The following HCN1 variants were observed in gnomAD, a reference collection of about 807,000 sequenced individuals.
HCN1 encodes the protein hyperpolarization activated cyclic nucleotide gated potassium channel 1.
HCN1 carries 13 observed loss-of-function variants against 78.9 expected under a neutral mutation model. The ratio of observed to expected loss-of-function variants is 0.16; its 90% CI spans 0.11 to 0.26. The LOEUF (loss-of-function observed/expected upper bound fraction) is 0.26. HCN1 is among the 10% of genes least tolerant of loss of function. The pLI, the probability that HCN1 is intolerant of heterozygous loss-of-function variation, is 1.00. For missense variants in HCN1, 810 were observed against 1,154.3 expected, an observed-to-expected ratio of 0.70 and a Z score of 4.32; for synonymous variants, 552 against 455.5, an observed-to-expected ratio of 1.21 and a Z score of -2.70.
In HCN1 at chr5:45,695,949, C is replaced by T. The variant is rs1214766208; in HGVS notation, c.145G>A (p.Gly49Ser). The T allele has an allele frequency of 3.7e-6, 5 of 1,346,584 alleles. No individual in the cohort carries two copies. The highest frequency in any genetic ancestry group is 4.7e-6 in the Non-Finnish European group (5 of 1,057,748). 83.4% of individuals were successfully genotyped at this position (1,346,584 alleles called of 1,614,324 possible). The change falls in exon 1 of 8, where the codon GGC becomes AGC. Residue 49 changes from glycine to serine, a missense_variant. By Grantham distance (56) the Gly-to-Ser change is moderately conservative. Transcript: ENST00000303230. Reference protein sequence around the residue: ...LGTPPGGGGAGAKEHGNSVCF... With the variant: ...LGTPPGGGGASAKEHGNSVCF... The stretch of plus-strand genomic sequence containing the variant: ...ACGGAGTTGCCGTGCTCCTTCGCGC[C>T]GGCCCCGCCGCCCCCCGGCGGGGTG...
chr5:45,430,606 A>G (rs1466265614), intron 3 of HCN1, among the ~76,000 whole-genome samples: 1 of 152,064 alleles, frequency 6.6e-6, no homozygotes, highest in Non-Finnish European at 1.5e-5. Context: ...TGTTGCTGCA[A>G]AGAACATGAT....
intron 1 of HCN1, among the ~76,000 whole-genome samples, chr5:45,653,265 C>G (rs545844615): frequency 6.6e-6 from 1 of 152,166 alleles, no homozygotes; most frequent in Non-Finnish European, 1.5e-5. Context: ...TCACAGAACT[C>G]CCTTTCACCT....
At chr5:45,284,097 C>T (rs1745223298) in intron 6 of HCN1, among the ~76,000 whole-genome samples, 1 of 151,910 alleles carries the variant, frequency 6.6e-6, no homozygotes, top group Non-Finnish European at 1.5e-5. Context: ...ATGATGAGAA[C>T]TCATGAACAC....
intron 3 of HCN1, among the ~76,000 whole-genome samples, chr5:45,421,580 G>A (rs919427728): frequency 2.0e-5 from 3 of 151,714 alleles, no homozygotes; most frequent in African/African-American, 7.3e-5. Context: ...CCAAGAAACA[G>A]AAACCAACAG....
chr5:45,343,862 T>A (rs982373392), intron 5 of HCN1, among the ~76,000 whole-genome samples: 7 of 151,236 alleles, frequency 4.6e-5, no homozygotes, highest in Admixed American at 2.0e-4. Context: ...AAATTAAAAA[T>A]AAAAAAAATA....
chr5:45,372,136 TA>T (rs1474137591), intron 4 of HCN1, among the ~76,000 whole-genome samples: 3 of 55,760 alleles, frequency 5.4e-5, no homozygotes, highest in African/African-American at 2.2e-4. Flanking sequence ...ATATATAATA[TA>T]ATAATATATT....
chr5:45,616,778 GA>G (rs1411558753), intron 2 of HCN1, among the ~76,000 whole-genome samples: 3 of 151,876 alleles, frequency 2.0e-5, no homozygotes, highest in African/African-American at 7.2e-5. Flanking sequence ...AATAGGAAAA[GA>G]AAATAGGAAA....
At chr5:45,549,822 C>T (rs1244292578) in intron 2 of HCN1, among the ~76,000 whole-genome samples, 1 of 152,130 alleles carries the variant, frequency 6.6e-6, no homozygotes, top group Non-Finnish European at 1.5e-5. Context: ...ACAACCCCAT[C>T]AAAAAGTGGG....
chr5:45,376,881 G>C (rs935545841), intron 4 of HCN1, among the ~76,000 whole-genome samples: 2 of 151,938 alleles, frequency 1.3e-5, no homozygotes, highest in Non-Finnish European at 2.9e-5. Flanking sequence ...TGATTTCTTA[G>C]AAGATTTCAG....
At chr5:45,473,248 C>A (rs1048342896) in intron 2 of HCN1, among the ~76,000 whole-genome samples, 1 of 151,848 alleles carries the variant, frequency 6.6e-6, no homozygotes, top group African/African-American at 2.4e-5. Flanking sequence ...TCGAGAGAAC[C>A]TTACAACTGC....
chr5:45,639,428 C>T (rs928292303), intron 2 of HCN1, among the ~76,000 whole-genome samples: 6 of 152,086 alleles, frequency 3.9e-5, no homozygotes, highest in Non-Finnish European at 7.4e-5. Context: ...TGCTTCATTT[C>T]ATTTGAACTT....
At chr5:45,343,055 C>A (rs1319163652) in intron 5 of HCN1, among the ~76,000 whole-genome samples, 2 of 152,068 alleles carry the variant, frequency 1.3e-5, no homozygotes, top group Non-Finnish European at 2.9e-5. Flanking sequence ...TATTTGAATT[C>A]AATTTTCCCA....
chr5:45,575,757 A>C (rs1743928571), intron 2 of HCN1: 1 of 152,132 alleles, frequency 6.6e-6, no homozygotes, highest in Admixed American at 6.6e-5. Flanking sequence ...CAATGCACCA[A>C]GTCACTCACA....
At chr5:45,458,604 T>A (rs1422219336) in intron 3 of HCN1, among the ~76,000 whole-genome samples, 5 of 152,174 alleles carry the variant, frequency 3.3e-5, no homozygotes, top group African/African-American at 1.2e-4. Flanking sequence ...TTTTGTCTCT[T>A]TATTACTACC....
chr5:45,296,950 G>T (rs1229600153), intron 6 of HCN1, among the ~76,000 whole-genome samples: 3 of 151,966 alleles, frequency 2.0e-5, no homozygotes, highest in Non-Finnish European at 4.4e-5. Context: ...GGATCAATTT[G>T]CTGAGACCAG....
intron 2 of HCN1, among the ~76,000 whole-genome samples, chr5:45,528,390 CT>C (rs1343032498): frequency 6.6e-6 from 1 of 151,856 alleles, no homozygotes; most frequent in Non-Finnish European, 1.5e-5. Context: ...GACTAGTAGC[CT>C]GTATGCACCA....
intron 2 of HCN1, among the ~76,000 whole-genome samples, chr5:45,620,005 A>C (rs921880546): frequency 1.2e-4 from 18 of 152,118 alleles, no homozygotes; most frequent in Non-Finnish European, 2.2e-4. Context: ...GTGATAAGTT[A>C]TGTTGATGTT....
intron 5 of HCN1, among the ~76,000 whole-genome samples, chr5:45,316,223 G>T (rs1042021695): frequency 2.5e-4 from 38 of 152,136 alleles, no homozygotes; most frequent in Non-Finnish European, 5.0e-4. Context: ...CCATGATCAA[G>T]TGGGCTTCAT....
rs1156299203 is a variant in HCN1, at chr5:45,696,074, G to C, written c.20C>G (p.Pro7Arg). 6.6e-6 allele frequency: 9 copies of C among 1,353,788 alleles called. No individual in the cohort carries two copies. The Admixed American group carries it at 2.1e-4, about 32-fold the overall frequency. The allele number at this position is 1,353,788 out of a possible 1,614,324, so 83.9% of individuals were successfully genotyped here. A position where few individuals can be genotyped will look rare whatever the true frequency, so the allele number is the denominator to read the frequency against. MEGGGKPNSSSNSRDDG... is the reference protein window; with the variant it reads MEGGGKRNSSSNSRDDG... ...GTCCCGGCTGTTAGACGAAGAGTTGGGCTTGCCGCCTCCTTCCATGCCCGG... is the reference window on the plus strand; with the variant it reads ...GTCCCGGCTGTTAGACGAAGAGTTGCGCTTGCCGCCTCCTTCCATGCCCGG... Residue 7 changes from proline to arginine, a missense_variant, in exon 1 of 8, where the codon CCC (proline) becomes CGC (arginine). Transcript: ENST00000303230.
Sources: allele counts gnomAD v4.1 joint callset (sites outside exome capture counted in the v4.1 genomes callset), GRCh38; gene constraint gnomAD v4.1.1; transcripts MANE v1.5; gene names NCBI Gene and HGNC (gene_info 2026-07-23, HGNC 2026-07-21).